Variants in AGAP1 observed in about 807,000 individuals in gnomAD.
AGAP1 encodes the protein arf-GAP with GTPase, ANK repeat and PH domain-containing protein 1.
AGAP1 carries 29 observed loss-of-function variants against 105.3 expected under a neutral mutation model. The observed-to-expected ratio is 0.28, with a 90% confidence interval of 0.21 to 0.38. The LOEUF (loss-of-function observed/expected upper bound fraction) is 0.38. Among genes scored for constraint, AGAP1 ranks in the 10% least tolerant of loss-of-function variants. The pLI is 1.00. For missense variants in AGAP1, 998 were observed against 1,165.1 expected, an observed-to-expected ratio of 0.86 and a Z score of 2.09; for synonymous variants, 509 against 485.9, an observed-to-expected ratio of 1.05 and a Z score of -0.63.
chr2:235,929,782 A>C (rs1365512531), intron 11 of AGAP1, among the ~76,000 whole-genome samples: 1 of 152,234 alleles, frequency 6.6e-6, no homozygotes, highest in African/African-American at 2.4e-5. Flanking sequence ...TGAAGCCACT[A>C]GTTCTAAAAA....
intron 1 of AGAP1, among the ~76,000 whole-genome samples, chr2:235,671,249 G>T (rs1455846572): frequency 6.6e-6 from 1 of 152,188 alleles, no homozygotes; most frequent in South Asian, 2.1e-4. Context: ...CCTGCGCCTG[G>T]CTGTGCGTGC....
rs116593142 is a variant in AGAP1, at chr2:235,976,376, C to T, written c.1645+7753C>T. Reference sequence around the variant, plus strand: ...CCTGCAGGGTACAGTCCGGCCGCCACAAACACACACAAGCAGTAAGCGCTC... The same window carrying T: ...CCTGCAGGGTACAGTCCGGCCGCCATAAACACACACAAGCAGTAAGCGCTC... On this transcript the variant is annotated intron_variant, in intron 13 of 17. Coordinates refer to ENST00000304032, the MANE Select transcript of AGAP1 (RefSeq NM_001037131.3). The surrounding 1 kb of genome is among the most constrained non-coding windows in gnomAD (Gnocchi z 4.5). Among the ~76,000 whole-genome samples the T allele has an allele frequency of 0.028, 4,276 of 152,228 alleles. 109 individuals are homozygous for T. Among genetic ancestry groups the T allele is most frequent in the South Asian group, 0.11 (517 of 4,814 alleles).
intron 3 of AGAP1, among the ~76,000 whole-genome samples, chr2:235,738,563 C>CTTTCT (rs1553618065): frequency 1.4e-5 from 2 of 144,098 alleles, no homozygotes; most frequent in African/African-American, 2.6e-5. Flanking sequence ...TTCTTTCTTT[C>CTTTCT]TTTTTTTTTT....
At position 235,625,895 on chromosome 2, in the gene AGAP1, C is replaced by A. The variant is rs1485305489; in HGVS notation, c.164-83284C>A. 1.3e-5 allele frequency among the ~76,000 whole-genome samples: 2 copies of A among 152,186 alleles called. No homozygotes were observed. The highest frequency in any genetic ancestry group is 4.8e-5 in the African/African-American group (2 of 41,442). On this transcript the variant is annotated intron_variant, in intron 1 of 17. Coordinates refer to ENST00000304032, the MANE Select transcript of AGAP1 (RefSeq NM_001037131.3). The surrounding 1 kb of genome is among the most constrained non-coding windows in gnomAD (Gnocchi z 4.0). ...TGTGACCAAGTATTAAAAATGTTCTCACATTTATTCTTGAAATTCCACACA... is the reference window on the plus strand; with the variant it reads ...TGTGACCAAGTATTAAAAATGTTCTAACATTTATTCTTGAAATTCCACACA...
chr2:236,091,029 G>A (rs1441286174), intron 16 of AGAP1, among the ~76,000 whole-genome samples: 5 of 152,318 alleles, frequency 3.3e-5, no homozygotes, highest in Middle Eastern at 3.4e-3. Flanking sequence ...GTGTGCCACC[G>A]CACCGGCCGT....
At position 235,872,464 on chromosome 2, in the gene AGAP1, C is replaced by T. The variant is rs1559590311; in HGVS notation, c.1051-10881C>T. Among the ~76,000 whole-genome samples the T allele has an allele frequency of 1.3e-5, 2 of 152,064 alleles. No homozygotes were observed. The highest frequency in any genetic ancestry group is 2.9e-5 in the Non-Finnish European group (2 of 68,020). On this transcript the variant is annotated intron_variant, in intron 9 of 17. Transcript: ENST00000304032. This position sits in a 1 kb window ranked among gnomAD's most constrained non-coding sequence, Gnocchi z 4.5. Reference sequence around the variant, plus strand: ...ACCATGCCGCTGGCCCTGGGTTATGCAGAATCAAAAAGACTTAGGATCACA... The same window carrying T: ...ACCATGCCGCTGGCCCTGGGTTATGTAGAATCAAAAAGACTTAGGATCACA...
At chr2:235,738,842 G>C (rs545195535) in intron 3 of AGAP1, among the ~76,000 whole-genome samples, 1 of 152,226 alleles carries the variant, frequency 6.6e-6, no homozygotes, top group African/African-American at 2.4e-5. Flanking sequence ...ACAGGTGTGA[G>C]CCACCGCGCC....
chr2:236,103,602 T>C (rs1233491833), intron 16 of AGAP1, among the ~76,000 whole-genome samples: 3 of 151,952 alleles, frequency 2.0e-5, no homozygotes, highest in Admixed American at 2.0e-4. Flanking sequence ...AGAGTCTTGC[T>C]GTGTTGTCCA....
rs1024397207 is a variant in AGAP1, at chr2:235,845,120, G to A, written c.1050+37789G>A. On this transcript the variant is annotated intron_variant, in intron 9 of 17. Coordinates refer to ENST00000304032, the MANE Select transcript of AGAP1 (RefSeq NM_001037131.3). The surrounding 1 kb of genome is among the most constrained non-coding windows in gnomAD (Gnocchi z 4.8). ...AAGTCCTGTGTCATCCTGTTTAGCCGTTCGCTCAAACAGAGAACTGTAGAT... is the reference window on the plus strand; with the variant it reads ...AAGTCCTGTGTCATCCTGTTTAGCCATTCGCTCAAACAGAGAACTGTAGAT... Among the ~76,000 whole-genome samples the A allele has an allele frequency of 6.6e-6, 1 of 152,108 alleles. No homozygotes were observed. Among genetic ancestry groups the A allele is most frequent in the South Asian group, 2.1e-4 (1 of 4,820 alleles).
rs1951672403 is a variant in AGAP1 at position 235,726,835 on chromosome 2, C to T, written c.310+9191C>T. ...TGGGCCAGTGGTGAATTATTAACTT[C>T]TTAACTTGCATCTCTGGAGCTGCCA... On this transcript the variant is annotated intron_variant, in intron 3 of 17. Coordinates refer to ENST00000304032, the MANE Select transcript of AGAP1 (RefSeq NM_001037131.3). Among the ~76,000 whole-genome samples the T allele has an allele frequency of 3.3e-5, 5 of 151,970 alleles. No individual in the cohort carries two copies. In the South Asian group the frequency reaches 1.0e-3, roughly 32 times the overall value.
rs142687305 is a variant in AGAP1, at chr2:235,969,306, G to C, written c.1645+683G>C. The stretch of plus-strand genomic sequence containing the variant: ...CAAGTAGAGATAGGTAAGCGCATGC[G>C]TACACACACACATACACACACACCC... On this transcript the variant is annotated intron_variant, in intron 13 of 17. Coordinates refer to ENST00000304032, the MANE Select transcript of AGAP1 (RefSeq NM_001037131.3). Among the ~76,000 whole-genome samples the C allele has an allele frequency of 6.6e-3, 1,000 of 151,304 alleles. 15 individuals are homozygous for C. The highest frequency in any genetic ancestry group is 0.023 in the African/African-American group (934 of 41,210).
chr2:236,001,435 C>T lies in AGAP1; in HGVS notation c.1645+32812C>T, dbSNP rs918001379. On this transcript the variant is annotated intron_variant, in intron 13 of 17. Coordinates refer to ENST00000304032, the MANE Select transcript of AGAP1 (RefSeq NM_001037131.3). The surrounding 1 kb of genome is among the most constrained non-coding windows in gnomAD (Gnocchi z 4.7). ...GAAGGTGTGTGGCTACTAACGTGAG[C>T]CTGTTAACGTTGAAAATTTCCCTCT... 3.3e-5 allele frequency among the ~76,000 whole-genome samples: 5 copies of T among 152,176 alleles called. No homozygotes were observed. The highest frequency in any genetic ancestry group is 7.3e-5 in the Non-Finnish European group (5 of 68,034).
intron 16 of AGAP1, among the ~76,000 whole-genome samples, chr2:236,077,964 C>CTGCTTCAATTGGGTCTT (rs1259294018): frequency 6.6e-6 from 1 of 152,096 alleles, no homozygotes; most frequent in Admixed American, 6.5e-5. Context: ...CGATAGGGCT[C>CTGCTTCAATTGGGTCTT]TGCTTCAATT....
intron 11 of AGAP1, among the ~76,000 whole-genome samples, chr2:235,909,450 T>C (rs768800806): frequency 3.3e-5 from 5 of 152,372 alleles, no homozygotes; most frequent in South Asian, 2.1e-4. Context: ...TTCTCAAATG[T>C]TGATGTGTTT....
chr2:235,584,689 G>A (rs1945045107), intron 1 of AGAP1, among the ~76,000 whole-genome samples: 1 of 151,716 alleles, frequency 6.6e-6, no homozygotes, highest in African/African-American at 2.4e-5. Flanking sequence ...GAACTGCGAG[G>A]GAATACATTT....
At chr2:235,894,255 C>A (rs2050690773) in intron 10 of AGAP1, among the ~76,000 whole-genome samples, 1 of 152,152 alleles carries the variant, frequency 6.6e-6, no homozygotes, top group African/African-American at 2.4e-5. Context: ...TCGGGGGAAG[C>A]AGGAAGAATC....
At chr2:236,075,896 G>A (rs2058624591) in intron 16 of AGAP1, among the ~76,000 whole-genome samples, 1 of 152,260 alleles carries the variant, frequency 6.6e-6, no homozygotes, top group Non-Finnish European at 1.5e-5. Context: ...TTCAGAGGAA[G>A]CAGCAGAAGT....
At chr2:235,790,530 C>T (rs1342860274) in intron 6 of AGAP1, among the ~76,000 whole-genome samples, 2 of 152,156 alleles carry the variant, frequency 1.3e-5, no homozygotes, top group African/African-American at 4.8e-5. Flanking sequence ...TCTAACCACC[C>T]CAGGTATCTT....
intron 12 of AGAP1, among the ~76,000 whole-genome samples, chr2:235,932,170 T>C (rs2052756645): frequency 6.6e-6 from 1 of 152,238 alleles, no homozygotes; most frequent in African/African-American, 2.4e-5. Flanking sequence ...GCGGGCCTGG[T>C]AGTCAGCCTT....
Sources: allele counts gnomAD v4.1 joint callset (sites outside exome capture counted in the v4.1 genomes callset), GRCh38; gene constraint gnomAD v4.1.1; non-coding constraint Gnocchi (gnomAD v3.1); transcripts MANE v1.5; gene names NCBI Gene and HGNC (gene_info 2026-07-23, HGNC 2026-07-21).